C8orf76: variants seen among roughly 807,000 people sequenced by gnomAD.
C8orf76 encodes chromosome 8 open reading frame 76, also known as uncharacterized protein C8orf76.
In C8orf76, 46 loss-of-function variants were observed where a neutral mutation model predicts 38.1. That is an observed-to-expected ratio of 1.21 (90% CI 0.95 to 1.54). The LOEUF is 1.54. C8orf76 is among the 40% of genes most tolerant of loss of function. The pLI is 0.00. For synonymous variants in C8orf76, 166 were observed against 167.5 expected (o/e 0.99, Z 0.07); for missense variants, 461 against 441.6 (o/e 1.04, Z -0.39).
intron 3 of C8orf76, among the ~76,000 whole-genome samples, chr8:123,232,703 A>G (rs2131150578): frequency 6.6e-6 from 1 of 152,376 alleles, no homozygotes; most frequent in East Asian, 1.9e-4. Context: ...GTGAAAAGAT[A>G]GGAGATAAAG....
chr8:123,226,879 A>G (rs978252919), intron 4 of C8orf76, among the ~76,000 whole-genome samples: 1 of 152,198 alleles, frequency 6.6e-6, no homozygotes, highest in African/African-American at 2.4e-5. Context: ...AAACTGCTCA[A>G]AGAAATCTTC....
At chr8:123,235,528 G>T (rs1237156981) in intron 3 of C8orf76, among the ~76,000 whole-genome samples, 1 of 152,128 alleles carries the variant, frequency 6.6e-6, no homozygotes, top group Non-Finnish European at 1.5e-5. Flanking sequence ...GACACGCAAG[G>T]TCCGCTGAGA....
rs774396535 is a variant in C8orf76 at position 123,231,495 on chromosome 8, T to C, written c.620A>G (p.His207Arg). ...ACACAAAAGACAGTCTTTTCCTGAG[T>C]GTGGAAAGAAGGATTTGATAGTTTT... ...SDKTIKSFFP[H>R]SGKDCLLCFP... is the part of the protein sequence containing the mutation. The change falls in exon 4 of 6, where the codon CAC becomes CGC. Residue 207 changes from histidine to arginine, a missense_variant. Transcript: ENST00000276704. The C allele has an allele frequency of 5.0e-6, 8 of 1,614,138 alleles. No homozygotes were observed. Among genetic ancestry groups the C allele is most frequent in the Non-Finnish European group, 6.8e-6 (8 of 1,180,038 alleles).
At chr8:123,238,791 G>C in intron 2 of C8orf76, 1 of 384,642 alleles carries the variant, frequency 2.6e-6, no homozygotes, top group Non-Finnish European at 4.8e-6. Flanking sequence ...GTAATGAGGA[G>C]ATTCAGAACC....
intron 3 of C8orf76, among the ~76,000 whole-genome samples, chr8:123,236,601 T>C (rs1825489885): frequency 1.3e-5 from 2 of 151,984 alleles, no homozygotes; most frequent in African/African-American, 4.8e-5. Context: ...CTGACCAACA[T>C]GGTGAAACCT....
chr8:123,224,537 A>C (rs1824976914), intron 5 of C8orf76, among the ~76,000 whole-genome samples: 1 of 152,178 alleles, frequency 6.6e-6, no homozygotes, highest in African/African-American at 2.4e-5. Flanking sequence ...ACTTGAGCCT[A>C]GGAATTTCAG....
rs777853492 is a variant in C8orf76, at chr8:123,222,430, G to A, written c.949-2133C>T. 1.6e-4 allele frequency among the ~76,000 whole-genome samples: 24 copies of A among 152,058 alleles called. No homozygotes were observed. The East Asian group carries it at 2.3e-3, about 15-fold the overall frequency. ...AAAAAAGATAAATGAATAATAGTAA[G>A]ACCCAAACAACACACTATTCCCAAA... is the stretch of plus-strand genomic sequence containing the variant. On this transcript the variant is annotated intron_variant, in intron 5 of 5. Transcript: ENST00000276704.
intron 3 of C8orf76, among the ~76,000 whole-genome samples, chr8:123,234,870 G>A (rs1825402608): frequency 6.6e-6 from 1 of 152,114 alleles, no homozygotes; most frequent in African/African-American, 2.4e-5. Context: ...GCTGAGACAG[G>A]TGAATTGCTT....
intron 1 of C8orf76, 49 bp from the exon 2 acceptor site, chr8:123,239,193 C>T (rs769865253): frequency 1.3e-6 from 2 of 1,576,120 alleles, no homozygotes; most frequent in African/African-American, 2.7e-5. Flanking sequence ...TGCTTTTCCA[C>T]CTCATATTCA....
In C8orf76 at chr8:123,241,296, G is replaced by C. The variant is rs112360082; in HGVS notation, c.51C>G (p.Phe17Leu). Residue 17 changes from phenylalanine (F) to leucine (L), a missense_variant, in exon 1 of 6, where the codon TTC becomes TTG. By Grantham distance (22) the Phe-to-Leu change is conservative. Coordinates refer to ENST00000276704, the MANE Select transcript of C8orf76 (RefSeq NM_032847.3). ...CTGACCGCCGCTCCGGCCTCTCCTC[G>C]AACACCGAGTCCTCGAACTCGCCGC... ...LFGGEFEDSVFEERPERRSGP... is the reference protein window; with the variant it reads ...LFGGEFEDSVLEERPERRSGP... 5.7e-6 allele frequency: 9 copies of C among 1,576,782 alleles called. No individual in the cohort carries two copies. Among genetic ancestry groups the C allele is most frequent in the Non-Finnish European group, 7.7e-6 (9 of 1,166,778 alleles).
chr8:123,221,145 C>T (rs1011808350), intron 5 of C8orf76, among the ~76,000 whole-genome samples: 5 of 152,160 alleles, frequency 3.3e-5, no homozygotes, highest in East Asian at 1.9e-4. Context: ...AATGGTTTTG[C>T]GGACTGGGTT....
chr8:123,234,237 C>G (rs1825380082), intron 3 of C8orf76, among the ~76,000 whole-genome samples: 1 of 152,094 alleles, frequency 6.6e-6, no homozygotes, highest in Admixed American at 6.6e-5. Context: ...GATAAGGCAA[C>G]TGGGTCACAG....
At position 123,241,363 on chromosome 8, in the gene C8orf76, G is replaced by A. The variant is rs767772069; in HGVS notation, c.-17C>T. 5.2e-6 allele frequency: 8 copies of A among 1,543,910 alleles called. No individual in the cohort carries two copies. In the South Asian group the frequency reaches 8.4e-5, roughly 16 times the overall value. On this transcript the variant is annotated 5_prime_UTR_variant, in exon 1 of 6. Coordinates refer to ENST00000276704, the MANE Select transcript of C8orf76 (RefSeq NM_032847.3). ...GGAATCCATCTCGCGCCCGCGGCGGGGGCAACGAGGAAGCGGGGCCCGCCG... is the reference window on the plus strand; with the variant it reads ...GGAATCCATCTCGCGCCCGCGGCGGAGGCAACGAGGAAGCGGGGCCCGCCG...
chr8:123,228,644 AACAC>A (rs377766243), intron 4 of C8orf76, among the ~76,000 whole-genome samples: 2 of 150,762 alleles, frequency 1.3e-5, no homozygotes, highest in South Asian at 2.1e-4. Flanking sequence ...CAAAACCCAA[AACAC>A]ACACACACAC....
intron 1 of C8orf76, 25 bp downstream of exon 1, chr8:123,241,205 A>C: frequency 6.4e-7 from 1 of 1,566,238 alleles, no homozygotes; most frequent in Non-Finnish European, 8.6e-7. Flanking sequence ...GCCCGGGATA[A>C]GGCGAAGAGG....
At chr8:123,230,886 G>A (rs1825236804) in intron 4 of C8orf76, among the ~76,000 whole-genome samples, 1 of 152,128 alleles carries the variant, frequency 6.6e-6, no homozygotes. Flanking sequence ...CTGACCTTGT[G>A]ATCCACCCAC....
intron 5 of C8orf76, 56 bp from the exon 6 acceptor site, chr8:123,220,353 T>G: frequency 7.4e-7 from 1 of 1,349,480 alleles, no homozygotes; most frequent in Non-Finnish European, 9.9e-7. Flanking sequence ...AGACATGGAA[T>G]GCTAGTTATC....
Position 123,237,857 on chromosome 8 carries a change from C to T in C8orf76, c.298G>A (p.Ala100Thr). ...AMKRDVQEGQ[A>T]RCLAHLGRHM... ...CTACCCAGGTGAGCCAGACACCGAG[C>T]CTGACCTTCCTGGACATCCCTTTTC... The change falls in exon 3 of 6, where the codon GCT becomes ACT. Residue 100 changes from alanine (A) to threonine (T), a missense_variant. By Grantham distance (58) the Ala-to-Thr change is moderately conservative. Coordinates refer to ENST00000276704, the MANE Select transcript of C8orf76 (RefSeq NM_032847.3). 1 of 1,614,094 alleles carries T rather than the reference C, an allele frequency of 6.2e-7. No homozygotes were observed. The highest frequency in any genetic ancestry group is 1.1e-5 in the South Asian group (1 of 91,080).
In C8orf76 at chr8:123,227,745, GCAGGGCCAATT is replaced by G. The variant is rs1368439876; in HGVS notation, c.816-1124_816-1114del. Among the ~76,000 whole-genome samples, 3 of 152,088 alleles carry G rather than the reference GCAGGGCCAATT, an allele frequency of 2.0e-5. No homozygotes were observed. In the East Asian group the frequency reaches 5.8e-4, roughly 29 times the overall value. On this transcript the variant is annotated intron_variant, in intron 4 of 5. Coordinates refer to ENST00000276704, the MANE Select transcript of C8orf76 (RefSeq NM_032847.3). ...GTAGTAAATGAGGTGGGAAAAAAAA[GCAGGGCCAATT>G]CAAATCAGACCTTGCAGGCCATGGA...
Sources: gnomAD v4.1 joint callset for allele counts (sites outside exome capture counted in the v4.1 genomes callset) on GRCh38, gnomAD v4.1.1 for gene constraint, MANE v1.5 for transcripts, NCBI Gene and HGNC (gene_info 2026-07-23, HGNC 2026-07-21) for gene names.